Variants in ARL13A observed in about 807,000 individuals in gnomAD.
The protein encoded by ARL13A is ADP-ribosylation factor-like protein 13A.
In ARL13A, 16 loss-of-function variants were observed where a neutral mutation model predicts 19.1. The observed-to-expected ratio is 0.84, with a 90% CI of 0.57 to 1.27. ARL13A has a LOEUF of 1.27. ARL13A is among the 50% of genes most tolerant of loss of function. ARL13A has a pLI of 0.00. For synonymous variants in ARL13A, 69 were observed against 71.3 expected (o/e 0.97, Z 0.17); for missense variants, 153 against 186.4 (o/e 0.82, Z 1.04).
chrX:100,970,074 C>T (rs1353638969), intron 1 of ARL13A, among the ~76,000 whole-genome samples: 1 of 112,244 alleles, frequency 8.9e-6, no homozygotes, highest in East Asian at 2.8e-4. Context: ...GAAGGCTCTG[C>T]CAATTATTAG....
At chrX:100,975,447 G>T (rs1203123943) in intron 3 of ARL13A, among the ~76,000 whole-genome samples, 1 of 111,189 alleles carries the variant, frequency 9.0e-6, no homozygotes, top group East Asian at 2.8e-4. Context: ...ACATCATCAG[G>T]CAATTGCAAG....
chrX:100,976,026 T>A (rs1368084888), intron 3 of ARL13A, among the ~76,000 whole-genome samples: 2 of 111,638 alleles, frequency 1.8e-5, no homozygotes, highest in Non-Finnish European at 3.8e-5. Flanking sequence ...TTATCCCCCC[T>A]TGTAGGAAAC....
rs984215700 is a variant in ARL13A, at chrX:100,985,932, T to G, written c.380+16T>G. 6.0e-5 allele frequency: 72 copies of G among 1,193,619 alleles called. No homozygotes were observed. Among genetic ancestry groups the G allele is most frequent in the Non-Finnish European group, 7.7e-5 (68 of 887,034 alleles). Reference sequence around the variant, plus strand: ...CCATCTTAATGTAAGATTCTGCCTTTCTGTCCTATTTCTGCTTCCCAATTT... The same window carrying G: ...CCATCTTAATGTAAGATTCTGCCTTGCTGTCCTATTTCTGCTTCCCAATTT... On this transcript the variant is annotated intron_variant, in intron 4 of 7. Coordinates refer to ENST00000450049, the MANE Select transcript of ARL13A (RefSeq NM_001162491.2).
chrX:100,977,555 AT>A (rs2085787295), intron 3 of ARL13A, among the ~76,000 whole-genome samples: 1 of 108,882 alleles, frequency 9.2e-6, no homozygotes, highest in African/African-American at 3.4e-5. Flanking sequence ...TTATTTTTGT[AT>A]TTTTATTAGA....
At chrX:100,983,730 A>G (rs1224593598) in intron 3 of ARL13A, among the ~76,000 whole-genome samples, 1 of 111,803 alleles carries the variant, frequency 8.9e-6, no homozygotes, top group Admixed American at 9.6e-5. Context: ...AAATTATTTT[A>G]TCTGAAAACT....
At chrX:100,988,844 T>C (rs1260869380) in intron 7 of ARL13A, among the ~76,000 whole-genome samples, 2 of 47,383 alleles carry the variant, frequency 4.2e-5, no homozygotes, top group Non-Finnish European at 3.6e-5. Context: ...TATGAGATAA[T>C]ATATCTCATA....
chrX:100,986,657 T>G, intron 4 of ARL13A, 139 bp from the exon 5 acceptor site: 1 of 422,375 alleles, frequency 2.4e-6, no homozygotes, highest in Non-Finnish European at 4.2e-6. Flanking sequence ...ATTAGGTATG[T>G]CTTTAAACCT....
At chrX:100,984,274 C>A (rs1172319304) in intron 3 of ARL13A, among the ~76,000 whole-genome samples, 2 of 108,910 alleles carry the variant, frequency 1.8e-5, no homozygotes, top group Non-Finnish European at 3.8e-5. Context: ...CCACCGCACC[C>A]GGCTAAGTTG....
intron 7 of ARL13A, among the ~76,000 whole-genome samples, chrX:100,989,917 G>A (rs1001309376): frequency 5.3e-5 from 6 of 112,947 alleles, no homozygotes; most frequent in Non-Finnish European, 1.1e-4. Flanking sequence ...CAAGGGGTGA[G>A]GATGAGAGCA....
intron 7 of ARL13A, chrX:100,988,552 T>G: frequency 9.4e-7 from 1 of 1,069,359 alleles, no homozygotes; most frequent in Non-Finnish European, 1.2e-6. Context: ...TGACAATATT[T>G]TTGAAGGTAA....
rs1387751512 is a variant in ARL13A at position 100,985,935 on chromosome X, G to A, written c.380+19G>A. 2 of 1,192,665 alleles carry A rather than the reference G, an allele frequency of 1.7e-6. No individual in the cohort carries two copies. Among genetic ancestry groups the A allele is most frequent in the Admixed American group, 4.5e-5 (2 of 44,311 alleles). On this transcript the variant is annotated intron_variant, in intron 4 of 7. Coordinates refer to ENST00000450049, the MANE Select transcript of ARL13A (RefSeq NM_001162491.2). ...TCTTAATGTAAGATTCTGCCTTTCTGTCCTATTTCTGCTTCCCAATTTGTA... is the reference window on the plus strand; with the variant it reads ...TCTTAATGTAAGATTCTGCCTTTCTATCCTATTTCTGCTTCCCAATTTGTA...
Position 100,990,559 on chromosome X carries a change from T to C in ARL13A, c.745-3T>C, listed in dbSNP as rs2086003668. The C allele has an allele frequency of 8.7e-7, 1 of 1,144,954 alleles. No individual in the cohort carries two copies. The highest frequency in any genetic ancestry group is 1.2e-6 in the Non-Finnish European group (1 of 864,169). 94.4% of individuals were successfully genotyped at this position (1,144,954 alleles called of 1,213,427 possible). On this transcript the variant is annotated splice_region_variant and splice_polypyrimidine_tract_variant and intron_variant, in intron 7 of 7. Transcript: ENST00000450049. Reference sequence around the variant, plus strand: ...CTGTTGTTCCTGTATATCTATATTCTAGCCATCAAATCAATCCTATACTCA... The same window carrying C: ...CTGTTGTTCCTGTATATCTATATTCCAGCCATCAAATCAATCCTATACTCA...
chrX:100,987,579 T>C (rs2085954618), intron 6 of ARL13A, 23 bp downstream of exon 6: 1 of 1,203,557 alleles, frequency 8.3e-7, no homozygotes, highest in Non-Finnish European at 1.1e-6. Flanking sequence ...CGCTATGAGA[T>C]TTGCTGATAA....
At chrX:100,974,260 A>G in intron 3 of ARL13A, 63 bp downstream of exon 3, 19 of 895,218 alleles carry the variant, frequency 2.1e-5, no homozygotes, top group Non-Finnish European at 2.9e-5. Flanking sequence ...ATCCAGTGAA[A>G]TAATCCTTCC....
At chrX:100,973,974 C>T (rs2085721087) in intron 2 of ARL13A, among the ~76,000 whole-genome samples, 153 bp from the exon 3 acceptor site, 1 of 111,677 alleles carries the variant, frequency 9.0e-6, no homozygotes, top group Non-Finnish European at 1.9e-5. Flanking sequence ...GCTCCCATAC[C>T]ACCTTCTACT....
At chrX:100,973,795 A>G in intron 2 of ARL13A, 47 bp downstream of exon 2, 1 of 1,127,599 alleles carries the variant, frequency 8.9e-7, no homozygotes, top group Non-Finnish European at 1.2e-6. Context: ...ATTTCCTCCC[A>G]CAAATCTGCC....
rs749128127 is a variant in ARL13A at position 100,973,435 on chromosome X, C to G, written c.-14-241C>G. On this transcript the variant is annotated intron_variant, in intron 1 of 7. Coordinates refer to ENST00000450049, the MANE Select transcript of ARL13A (RefSeq NM_001162491.2). ...CCGCTGCCTCCCGGGCGGCGCTCGC[C>G]GGCGCGGCGGCAAAGACTGAGACAG... Among the ~76,000 whole-genome samples, 30 of 106,598 alleles carry G rather than the reference C, an allele frequency of 2.8e-4. No individual in the cohort carries two copies. The East Asian group carries it at 6.8e-3, about 24-fold the overall frequency. The allele number at this position is 106,598 out of a possible 115,157, so 92.6% of individuals were successfully genotyped here.
At chrX:100,982,647 T>G (rs2085877289) in intron 3 of ARL13A, among the ~76,000 whole-genome samples, 1 of 49,291 alleles carries the variant, frequency 2.0e-5, no homozygotes, top group East Asian at 1.2e-3. Context: ...ATCTACAGTT[T>G]TCTTTTTTTT....
At chrX:100,987,277 A>T in intron 5 of ARL13A, 113 bp from the exon 6 acceptor site, 1 of 756,628 alleles carries the variant, frequency 1.3e-6, no homozygotes, top group Non-Finnish European at 1.9e-6. Context: ...GAGCCTCTCT[A>T]GGCATAGCAG....
Sources: gnomAD v4.1 joint callset for allele counts (sites outside exome capture counted in the v4.1 genomes callset) on GRCh38, gnomAD v4.1.1 for gene constraint, MANE v1.5 for transcripts, NCBI Gene and HGNC (gene_info 2026-07-23, HGNC 2026-07-21) for gene names.